The following PLD5 variants were observed in gnomAD, a reference collection of about 807,000 sequenced individuals.
The protein encoded by PLD5 is inactive phospholipase D5.
A neutral mutation model predicts 61.1 loss-of-function variants in PLD5; 36 were observed. That is an observed-to-expected ratio of 0.59 (90% CI 0.45 to 0.78). The LOEUF is 0.78. PLD5 is among the 30% of genes least tolerant of loss of function. The pLI is 0.00. For missense variants in PLD5, 515 were observed against 644.4 expected, an observed-to-expected ratio of 0.80 and a Z score of 2.17; for synonymous variants, 243 against 242.8, an observed-to-expected ratio of 1.00 and a Z score of -0.01.
In PLD5 at chr1:242,089,942, G is replaced by C. The variant is rs200572394; in HGVS notation, c.1523C>G (p.Pro508Arg). 1.2e-6 allele frequency: 2 copies of C among 1,614,000 alleles called. No individual in the cohort carries two copies. The highest frequency in any genetic ancestry group is 1.6e-4 in the Middle Eastern group (1 of 6,084). ...YAKTLQPTKQ[P>R]NCSSLFKLKP... ...GAGTTTGAACAGGCTTGAGCAGTTC[G>C]GCTGTTTGGTTGGCTGTAAGGTTTT... The change falls in exon 10 of 10, where the codon CCG (proline) becomes CGG (arginine). Residue 508 changes from proline (P) to arginine (R), a missense_variant. Around this residue, in one of 2 missense-constraint regions of PLD5, gnomAD observed 450 missense variants for 598.1 expected, o/e 0.75. Coordinates refer to ENST00000536534, the MANE Select transcript of PLD5 (RefSeq NM_001372062.1).
intron 6 of PLD5, among the ~76,000 whole-genome samples, chr1:242,116,590 C>T (rs542792334): frequency 1.3e-5 from 2 of 152,104 alleles, no homozygotes; most frequent in African/African-American, 2.4e-5. Context: ...TAGTGGTCCT[C>T]AGTGTTTAGT....
intron 1 of PLD5, among the ~76,000 whole-genome samples, chr1:242,440,237 A>G (rs1462426675): frequency 1.3e-5 from 2 of 152,150 alleles, no homozygotes; most frequent in Non-Finnish European, 2.9e-5. Context: ...ATTTTTAGGC[A>G]GTAGCATGAT....
intron 2 of PLD5, among the ~76,000 whole-genome samples, chr1:242,339,863 AAGGGAAGGGG>A (rs1165657664): frequency 1.3e-5 from 2 of 152,152 alleles, no homozygotes; most frequent in Non-Finnish European, 2.9e-5. Context: ...AGGCCCAGGG[AAGGGAAGGGG>A]AGGGAAGTGG....
At chr1:242,110,808 TCACACA>T (rs111464015) in intron 7 of PLD5, among the ~76,000 whole-genome samples, 11 of 150,064 alleles carry the variant, frequency 7.3e-5, no homozygotes, top group Non-Finnish European at 1.2e-4. Flanking sequence ...AAACTCTGTC[TCACACA>T]CACACACACA....
chr1:242,300,284 C>CA (rs562745830), intron 2 of PLD5, among the ~76,000 whole-genome samples: 132 of 148,490 alleles, frequency 8.9e-4, no homozygotes, highest in Non-Finnish European at 1.3e-3. Flanking sequence ...ACTGAAAATA[C>CA]AAAAAAAAAA....
At chr1:242,296,839 C>T (rs1310942083) in intron 2 of PLD5, among the ~76,000 whole-genome samples, 2 of 152,144 alleles carry the variant, frequency 1.3e-5, no homozygotes, top group Non-Finnish European at 2.9e-5. Flanking sequence ...TGCCTTACAG[C>T]CTCCTGAGTA....
intron 2 of PLD5, among the ~76,000 whole-genome samples, chr1:242,311,981 A>G (rs182960344): frequency 9.9e-5 from 15 of 151,944 alleles, no homozygotes; most frequent in Admixed American, 3.3e-4. Context: ...TCTTCTGTCT[A>G]TTCAAGACTG....
intron 1 of PLD5, among the ~76,000 whole-genome samples, chr1:242,481,072 T>C (rs1331021393): frequency 2.0e-5 from 3 of 152,120 alleles, no homozygotes; most frequent in Admixed American, 2.0e-4. Flanking sequence ...TAAAGACTTC[T>C]GGGGGTTGGA....
Position 242,168,821 on chromosome 1 carries a change from T to G in PLD5, c.736-44156A>C, listed in dbSNP as rs531823415. Among the ~76,000 whole-genome samples, 36 of 148,758 alleles carry G rather than the reference T, an allele frequency of 2.4e-4. No individual in the cohort carries two copies. In the East Asian group the frequency reaches 4.5e-3, roughly 18 times the overall value. Reference sequence around the variant, plus strand: ...ACACTTCACTCATTCACACAGCTTATCCATGACAGTTTTTAATTAATGAAG... The same window carrying G: ...ACACTTCACTCATTCACACAGCTTAGCCATGACAGTTTTTAATTAATGAAG... On this transcript the variant is annotated intron_variant, in intron 5 of 9. Coordinates refer to ENST00000536534, the MANE Select transcript of PLD5 (RefSeq NM_001372062.1).
chr1:242,349,121 G>T (rs1283117879), intron 1 of PLD5, among the ~76,000 whole-genome samples: 1 of 152,156 alleles, frequency 6.6e-6, no homozygotes, highest in African/African-American at 2.4e-5. Context: ...GTCCTGAAAG[G>T]CAGGACAGCT....
chr1:242,298,084 A>AT (rs1240434959), intron 2 of PLD5, among the ~76,000 whole-genome samples: 3 of 151,948 alleles, frequency 2.0e-5, no homozygotes, highest in Non-Finnish European at 2.9e-5. Flanking sequence ...TTAATACTTT[A>AT]TTTTTTGTCA....
At chr1:242,469,101 C>G (rs1667363387) in intron 1 of PLD5, among the ~76,000 whole-genome samples, 2 of 152,162 alleles carry the variant, frequency 1.3e-5, no homozygotes. Flanking sequence ...TCTGGATTGC[C>G]TCTTTGTTTA....
intron 4 of PLD5, among the ~76,000 whole-genome samples, chr1:242,241,869 CTATATATA>C (rs752113161): frequency 0.035 from 2,435 of 70,320 alleles, 57 homozygotes; most frequent in African/African-American, 0.067. Context: ...GCTTTACTTA[CTATATATA>C]TATATATATA....
At chr1:242,253,185 A>G (rs1672809929) in intron 4 of PLD5, among the ~76,000 whole-genome samples, 1 of 137,966 alleles carries the variant, frequency 7.2e-6, no homozygotes. Flanking sequence ...GTGGTGGATC[A>G]TAGCTCACCG....
At chr1:242,094,655 T>C (rs999872943) in intron 9 of PLD5, among the ~76,000 whole-genome samples, 3 of 152,188 alleles carry the variant, frequency 2.0e-5, no homozygotes, top group African/African-American at 4.8e-5. Flanking sequence ...AATTCACTCA[T>C]TTAAAAATGT....
intron 7 of PLD5, among the ~76,000 whole-genome samples, chr1:242,108,889 A>C (rs1272211813): frequency 1.3e-5 from 2 of 152,118 alleles, no homozygotes; most frequent in African/African-American, 4.8e-5. Context: ...TGATGCCTTC[A>C]ATCTGCCCGG....
chr1:242,247,077 G>A lies in PLD5; in HGVS notation c.607+18260C>T, dbSNP rs891775689. Reference sequence around the variant, plus strand: ...CGACTCACTGCAAGCTCCGCCTCCCGGGTTCACGCCATTCTCCTGCCTCAG... The same window carrying A: ...CGACTCACTGCAAGCTCCGCCTCCCAGGTTCACGCCATTCTCCTGCCTCAG... On this transcript the variant is annotated intron_variant, in intron 4 of 9. Coordinates refer to ENST00000536534, the MANE Select transcript of PLD5 (RefSeq NM_001372062.1). Among the ~76,000 whole-genome samples the A allele has an allele frequency of 3.3e-5, 5 of 150,424 alleles. 1 individual carries two copies. Among genetic ancestry groups the A allele is most frequent in the Admixed American group, 1.3e-4 (2 of 14,988 alleles).
chr1:242,293,355 G>C (rs1675478919), intron 2 of PLD5, among the ~76,000 whole-genome samples: 1 of 152,170 alleles, frequency 6.6e-6, no homozygotes, highest in African/African-American at 2.4e-5. Context: ...ACTTTCTACA[G>C]TTTCAGTTAC....
intron 5 of PLD5, among the ~76,000 whole-genome samples, chr1:242,179,943 TGTG>T (rs775977366): frequency 3.9e-5 from 6 of 151,956 alleles, no homozygotes; most frequent in Non-Finnish European, 8.8e-5. Context: ...TGTGTGTGTG[TGTG>T]TAGGGAGGAC....
Sources: allele counts gnomAD v4.1 joint callset (sites outside exome capture counted in the v4.1 genomes callset), GRCh38; gene constraint gnomAD v4.1.1; regional missense constraint gnomAD v4.1.1; transcripts MANE v1.5; gene names NCBI Gene and HGNC (gene_info 2026-07-23, HGNC 2026-07-21).